Variants in DRC11 observed in about 807,000 individuals in gnomAD.
The protein encoded by DRC11 is dynein regulatory complex subunit 11.
At chr2:236,378,160 A>G in the DRC11 span, among the ~76,000 whole-genome samples, 1 of 152,198 alleles carries the variant, frequency 6.6e-6, no homozygotes, top group Non-Finnish European at 1.5e-5. Context: ...GGATGACTGG[A>G]GTTGTATTGC....
chr2:236,402,315 C>T, the DRC11 span, among the ~76,000 whole-genome samples: 2 of 152,228 alleles, frequency 1.3e-5, no homozygotes, highest in African/African-American at 2.4e-5. This position sits in a 1 kb window ranked among gnomAD's most constrained non-coding sequence, Gnocchi z 6.0. Flanking sequence ...CACCTCCTGC[C>T]CCTGCTGACT....
the DRC11 span, among the ~76,000 whole-genome samples, chr2:236,485,630 A>G: frequency 1.3e-5 from 2 of 152,314 alleles, no homozygotes; most frequent in Non-Finnish European, 2.9e-5. Context: ...CTTTGCAAAG[A>G]ATTGGCTTCA....
the DRC11 span, among the ~76,000 whole-genome samples, chr2:236,447,302 A>G: frequency 6.6e-6 from 1 of 151,664 alleles, no homozygotes; most frequent in Non-Finnish European, 1.5e-5. The surrounding 1 kb of genome is among the most constrained non-coding windows in gnomAD (Gnocchi z 4.6). Context: ...ATGCTGGAGT[A>G]GGAGGGCCCC....
chr2:236,307,699 G>A, the DRC11 span, among the ~76,000 whole-genome samples: 3 of 152,194 alleles, frequency 2.0e-5, no homozygotes, highest in African/African-American at 7.2e-5. This position sits in a 1 kb window ranked among gnomAD's most constrained non-coding sequence, Gnocchi z 7.0. Flanking sequence ...CTATGGAGCT[G>A]CCTTTCAGAA....
chr2:236,460,142 A>G, the DRC11 span, among the ~76,000 whole-genome samples: 4 of 152,356 alleles, frequency 2.6e-5, no homozygotes, highest in Middle Eastern at 3.4e-3. This position sits in a 1 kb window ranked among gnomAD's most constrained non-coding sequence, Gnocchi z 4.0. Context: ...GTGTAATCCA[A>G]TTAAGGAAAA....
At chr2:236,425,348 C>T in the DRC11 span, among the ~76,000 whole-genome samples, 51 of 152,074 alleles carry the variant, frequency 3.4e-4, 1 homozygote, top group South Asian at 8.5e-3. Flanking sequence ...TGATAACAGC[C>T]ATCCTAAGTG....
chr2:236,443,085 G>A, the DRC11 span, among the ~76,000 whole-genome samples: 2 of 152,164 alleles, frequency 1.3e-5, no homozygotes, highest in Admixed American at 1.3e-4. This position sits in a 1 kb window ranked among gnomAD's most constrained non-coding sequence, Gnocchi z 4.4. Flanking sequence ...CACATAGAAC[G>A]TTAAAAAGCT....
chr2:236,356,181 G>C, the DRC11 span, among the ~76,000 whole-genome samples: 23 of 152,264 alleles, frequency 1.5e-4, no homozygotes, highest in East Asian at 4.4e-3. Context: ...AGAATGTCCA[G>C]GGGCAGAGAG....
chr2:236,345,805 G>A, the DRC11 span, among the ~76,000 whole-genome samples: 1 of 152,340 alleles, frequency 6.6e-6, no homozygotes, highest in Admixed American at 6.5e-5. Flanking sequence ...GGTGAATACA[G>A]CGTTATGTAC....
chr2:236,317,017 C>T, the DRC11 span, among the ~76,000 whole-genome samples: 5 of 152,156 alleles, frequency 3.3e-5, no homozygotes, highest in South Asian at 2.1e-4. The surrounding 1 kb of genome is among the most constrained non-coding windows in gnomAD (Gnocchi z 5.4). Context: ...GGCGCTCAGC[C>T]GGGCGAGGTG....
the DRC11 span, among the ~76,000 whole-genome samples, chr2:236,345,461 G>A: frequency 1.3e-5 from 2 of 152,102 alleles, no homozygotes; most frequent in African/African-American, 4.8e-5. Context: ...TGGAGAACTG[G>A]GCCACGAGTT....
chr2:236,346,553 G>A, the DRC11 span: 4 of 167,632 alleles, frequency 2.4e-5, no homozygotes, highest in East Asian at 1.9e-4. Flanking sequence ...CTCTCACCAC[G>A]AGCGTGAGGG....
the DRC11 span, among the ~76,000 whole-genome samples, chr2:236,359,466 A>G: frequency 6.6e-6 from 1 of 152,154 alleles, no homozygotes; most frequent in Admixed American, 6.5e-5. The surrounding 1 kb of genome is among the most constrained non-coding windows in gnomAD (Gnocchi z 4.3). Flanking sequence ...TGAAGTGAGA[A>G]ATGACAAGCA....
At chr2:236,416,723 A>ATT in the DRC11 span, among the ~76,000 whole-genome samples, 3 of 10,662 alleles carry the variant, frequency 2.8e-4, no homozygotes, top group African/African-American at 1.1e-3. Context: ...ATATATATTT[A>ATT]TATATATATA....
chr2:236,386,958 T>C, the DRC11 span, among the ~76,000 whole-genome samples: 1 of 147,498 alleles, frequency 6.8e-6, no homozygotes, highest in Non-Finnish European at 1.5e-5. Context: ...TCAGTTTCCA[T>C]GTAGTTGAGT....
At chr2:236,481,956 T>C in the DRC11 span, among the ~76,000 whole-genome samples, 2 of 148,868 alleles carry the variant, frequency 1.3e-5, no homozygotes, top group Non-Finnish European at 3.0e-5. Flanking sequence ...ATTCTACATA[T>C]TATATGTATA....
chr2:236,324,991 A>G, the DRC11 span, among the ~76,000 whole-genome samples: 1 of 152,314 alleles, frequency 6.6e-6, no homozygotes, highest in East Asian at 1.9e-4. The surrounding 1 kb of genome is among the most constrained non-coding windows in gnomAD (Gnocchi z 5.7). Context: ...GTATTTCTGC[A>G]TGATTTGTTA....
the DRC11 span, among the ~76,000 whole-genome samples, chr2:236,417,750 C>T: frequency 6.6e-6 from 1 of 151,828 alleles, no homozygotes; most frequent in East Asian, 1.9e-4. Flanking sequence ...CCTAACAGGC[C>T]CCTGTGTGTG....
chr2:236,493,168 C>T, the DRC11 span, among the ~76,000 whole-genome samples: 1 of 152,100 alleles, frequency 6.6e-6, no homozygotes, highest in Non-Finnish European at 1.5e-5. Context: ...CAGGGAAACT[C>T]CCCTTTATAA....
Sources: allele counts gnomAD v4.1 joint callset (sites outside exome capture counted in the v4.1 genomes callset), GRCh38; gene constraint gnomAD v4.1.1; non-coding constraint Gnocchi (gnomAD v3.1); transcripts MANE v1.5; gene names NCBI Gene and HGNC (gene_info 2026-07-23, HGNC 2026-07-21).